The following CSMD3 variants were observed in gnomAD, a reference collection of about 807,000 sequenced individuals.
The protein encoded by CSMD3 is CUB and Sushi multiple domains 3.
Under a neutral mutation model 435.2 loss-of-function variants are expected in CSMD3, and 177 were observed. The observed-to-expected ratio is 0.41, with a 90% CI of 0.36 to 0.46. CSMD3 has a LOEUF of 0.46. Among genes scored for constraint, CSMD3 ranks in the 20% least tolerant of loss-of-function variants. CSMD3 has a pLI of 0.34. For missense variants in CSMD3, 4,265 were observed against 4,504.6 expected (o/e 0.95, Z 1.52); for synonymous variants, 1,656 against 1,520.5 (o/e 1.09, Z -2.07).
chr8:112,286,998 C>T (rs2130631460), intron 58 of CSMD3, 66 bp downstream of exon 58: 1 of 1,284,406 alleles, frequency 7.8e-7, no homozygotes, highest in East Asian at 2.3e-5. Flanking sequence ...TAGTAGTACT[C>T]ATCTGGATTT....
chr8:113,078,263 T>G (rs181069703), intron 5 of CSMD3, among the ~76,000 whole-genome samples: 1 of 152,162 alleles, frequency 6.6e-6, no homozygotes, highest in Non-Finnish European at 1.5e-5. Context: ...ATAGGAGATA[T>G]GCTATTTATT....
intron 1 of CSMD3, among the ~76,000 whole-genome samples, chr8:113,370,435 C>T (rs189378696): frequency 3.3e-5 from 5 of 150,680 alleles, no homozygotes; most frequent in Non-Finnish European, 5.9e-5. Context: ...ATCTTGTAGA[C>T]AACTGTAGGA....
intron 31 of CSMD3, among the ~76,000 whole-genome samples, chr8:112,477,897 A>C (rs572010395): frequency 6.6e-6 from 1 of 152,320 alleles, no homozygotes; most frequent in Admixed American, 6.5e-5. Context: ...GCCAAATCTC[A>C]TCTTAAATTC....
At chr8:112,301,202 A>G (rs1242540707) in intron 53 of CSMD3, among the ~76,000 whole-genome samples, 1 of 152,096 alleles carries the variant, frequency 6.6e-6, no homozygotes, top group African/African-American at 2.4e-5. Flanking sequence ...TAATATTTTC[A>G]TAATAAAAGA....
At chr8:112,847,275 T>C (rs1259755233) in intron 11 of CSMD3, among the ~76,000 whole-genome samples, 1 of 152,088 alleles carries the variant, frequency 6.6e-6, no homozygotes, top group East Asian at 1.9e-4. Context: ...TAAACGTGTA[T>C]AGCTATGAGT....
chr8:112,310,637 T>A (rs1821887589), intron 50 of CSMD3: 1 of 366,716 alleles, frequency 2.7e-6, no homozygotes, highest in African/African-American at 2.1e-5. Flanking sequence ...TATTCTCTAT[T>A]ACCTCTCTGC....
At chr8:112,713,357 A>AAAATAAAT (rs71309785) in intron 13 of CSMD3, among the ~76,000 whole-genome samples, 3,230 of 146,744 alleles carry the variant, frequency 0.022, 44 homozygotes, top group East Asian at 0.068. Flanking sequence ...ACAAGATTAG[A>AAAATAAAT]AAATAAATAA....
At chr8:112,803,310 CAGTTCTCCT>C (rs2079002883) in intron 12 of CSMD3, among the ~76,000 whole-genome samples, 1 of 152,126 alleles carries the variant, frequency 6.6e-6, no homozygotes, top group Admixed American at 6.6e-5. Flanking sequence ...TTTAGACCTC[CAGTTCTCCT>C]AGTTAGTGTA....
At chr8:112,569,488 A>G (rs1215301558) in intron 24 of CSMD3, among the ~76,000 whole-genome samples, 1 of 152,190 alleles carries the variant, frequency 6.6e-6, no homozygotes, top group Non-Finnish European at 1.5e-5. Flanking sequence ...TAATAAATGG[A>G]CCAATAAGAT....
At chr8:112,817,451 A>AAAAT (rs140011627) in intron 12 of CSMD3, among the ~76,000 whole-genome samples, 15 of 45,280 alleles carry the variant, frequency 3.3e-4, no homozygotes, top group Middle Eastern at 6.8e-3. Flanking sequence ...AATCTGTGAA[A>AAAAT]CAAAGTTCTT....
intron 1 of CSMD3, among the ~76,000 whole-genome samples, chr8:113,388,495 T>C (rs186940479): frequency 6.6e-6 from 1 of 151,770 alleles, no homozygotes; most frequent in East Asian, 1.9e-4. Context: ...TTTAGTACCT[T>C]TTTTAGCCAT....
intron 32 of CSMD3, among the ~76,000 whole-genome samples, chr8:112,467,776 C>T (rs576788611): frequency 1.3e-5 from 2 of 152,160 alleles, no homozygotes; most frequent in South Asian, 2.1e-4. Context: ...GTGAAGATGA[C>T]GTCAGAGATT....
chr8:113,343,393 A>G (rs1189333728), intron 1 of CSMD3, among the ~76,000 whole-genome samples: 1 of 152,210 alleles, frequency 6.6e-6, no homozygotes, highest in East Asian at 1.9e-4. Flanking sequence ...AAGAATAGTA[A>G]AATTGAAAAC....
intron 8 of CSMD3, among the ~76,000 whole-genome samples, chr8:112,950,860 C>T (rs1274541895): frequency 6.6e-6 from 1 of 151,888 alleles, no homozygotes; most frequent in Non-Finnish European, 1.5e-5. Context: ...AAACACTTTT[C>T]CAAGCATTTT....
chr8:112,523,040 A>C (rs1563654419), intron 27 of CSMD3, among the ~76,000 whole-genome samples: 1 of 151,992 alleles, frequency 6.6e-6, no homozygotes, highest in African/African-American at 2.4e-5. Context: ...TGGTATAACA[A>C]AGAATAAATA....
At chr8:112,426,371 T>A (rs1179114103) in intron 32 of CSMD3, among the ~76,000 whole-genome samples, 1 of 152,168 alleles carries the variant, frequency 6.6e-6, no homozygotes, top group African/African-American at 2.4e-5. Flanking sequence ...AACATAGTCA[T>A]GTTTAATTAT....
chr8:113,341,738 T>C (rs4242552), intron 1 of CSMD3, among the ~76,000 whole-genome samples: 95,526 of 151,914 alleles, frequency 0.63, 30,937 homozygotes, highest in East Asian at 0.74. Flanking sequence ...CATATAAATA[T>C]ATGCTTTAGG....
At position 112,593,937 on chromosome 8, in the gene CSMD3, T is replaced by A. The variant is rs563983307; in HGVS notation, c.3716-6702A>T. Among the ~76,000 whole-genome samples, 19 of 152,340 alleles carry A rather than the reference T, an allele frequency of 1.2e-4. 1 individual carries two copies. In the East Asian group the frequency reaches 3.1e-3, roughly 25 times the overall value. ...GATGTTTTTGTCTTTGGTTTTGTTT[T>A]GTTTTTTGGTTAGTTTTGAATTAAA... is the stretch of plus-strand genomic sequence containing the variant. On this transcript the variant is annotated intron_variant, in intron 22 of 70. Transcript: ENST00000297405.
intron 32 of CSMD3, among the ~76,000 whole-genome samples, chr8:112,463,402 GACT>G (rs1817650272): frequency 1.3e-5 from 2 of 152,080 alleles, no homozygotes; most frequent in Admixed American, 1.3e-4. Context: ...ACTGCAGAGT[GACT>G]ACAACAATGA....
Sources: allele counts gnomAD v4.1 joint callset (sites outside exome capture counted in the v4.1 genomes callset), GRCh38; gene constraint gnomAD v4.1.1; transcripts MANE v1.5; gene names NCBI Gene and HGNC (gene_info 2026-07-23, HGNC 2026-07-21).